Variants in ZNF723 observed in about 807,000 individuals in gnomAD.
The protein encoded by ZNF723 is zinc finger protein 723, pseudogene.
A neutral mutation model predicts 9.4 loss-of-function variants in ZNF723; 5 were observed. The observed-to-expected ratio is 0.53, with a 90% confidence interval of 0.28 to 1.12. ZNF723 has a LOEUF of 1.12. Ranked by LOEUF, ZNF723 falls within the 50% of genes most tolerant of loss-of-function variation. The probability of loss-of-function intolerance (pLI) is 0.10; values close to 1 mark genes in which losing one functional copy is unlikely to be tolerated. For missense variants in ZNF723, 450 were observed against 501.5 expected (o/e 0.90, Z 0.98); for synonymous variants, 158 against 168.8 (o/e 0.94, Z 0.49).
intron 1 of ZNF723, among the ~76,000 whole-genome samples, chr19:22,842,640 C>T (rs1315997127): frequency 6.6e-6 from 1 of 152,092 alleles, no homozygotes; most frequent in African/African-American, 2.4e-5. Context: ...ATTCATGTTG[C>T]CTTAGCTTTT....
At chr19:22,833,438 A>C (rs1967123767) in intron 1 of ZNF723, among the ~76,000 whole-genome samples, 1 of 151,952 alleles carries the variant, frequency 6.6e-6, no homozygotes, top group Non-Finnish European at 1.5e-5. Context: ...GGCGTGAGCC[A>C]CCGCTTCTGG....
chr19:22,831,450 A>G (rs1297430207), upstream of ZNF723, among the ~76,000 whole-genome samples: 2 of 151,976 alleles, frequency 1.3e-5, no homozygotes, highest in African/African-American at 4.8e-5. Flanking sequence ...CAAGCTACCC[A>G]GGAGGCTGAG....
chr19:22,830,960 G>A (rs1352017925), upstream of ZNF723, among the ~76,000 whole-genome samples: 2 of 151,760 alleles, frequency 1.3e-5, no homozygotes, highest in East Asian at 2.0e-4. Flanking sequence ...ACAGGGTTTC[G>A]CCATGTTGGC....
chr19:22,835,002 T>C (rs1490965412), intron 1 of ZNF723, among the ~76,000 whole-genome samples: 1 of 151,994 alleles, frequency 6.6e-6, no homozygotes, highest in South Asian at 2.1e-4. Context: ...ATCTAAGTGA[T>C]TGGATGACCT....
chr19:22,850,522 G>A (rs1206253598), intron 3 of ZNF723, among the ~76,000 whole-genome samples: 1 of 150,018 alleles, frequency 6.7e-6, no homozygotes, highest in Non-Finnish European at 1.5e-5. Flanking sequence ...TACTGAGATG[G>A]AGTTTTGCAC....
chr19:22,857,040 T>C (rs1005272778), intron 3 of ZNF723, 78 bp from the exon 4 acceptor site: 1 of 603,650 alleles, frequency 1.7e-6, no homozygotes, highest in African/African-American at 1.9e-5. Flanking sequence ...GTTTGTATAA[T>C]TTTATAGCTT....
In ZNF723 at chr19:22,848,383, C is replaced by G. The variant is rs1967344211; in HGVS notation, c.126C>G (p.Phe42Leu). 2 of 1,446,420 alleles carry G rather than the reference C, an allele frequency of 1.4e-6. No individual in the cohort carries two copies. Among genetic ancestry groups the G allele is most frequent in the South Asian group, 2.4e-5 (2 of 84,964 alleles). The allele number at this position is 1,446,420 out of a possible 1,614,324, so 89.6% of individuals were successfully genotyped here. ...TAGAGAACTACAGAAACCTGGTCTT[C>G]CTGGGTGAGAATAACTTCAATACAC... Reference protein sequence around the residue: ...VMLENYRNLVFLGVGVSKPDL... With the variant: ...VMLENYRNLVLLGVGVSKPDL... The change falls in exon 2 of 4, where the codon TTC (phenylalanine) becomes TTG (leucine). Residue 42 changes from phenylalanine (F) to leucine (L), a missense_variant. Physicochemically the swap from Phe to Leu is conservative, Grantham distance 22 (BLOSUM62 0). Coordinates refer to ENST00000600766, the MANE Select transcript of ZNF723 (RefSeq NM_001349726.2).
Position 22,848,403 on chromosome 19 carries a change from A to G in ZNF723, c.130+16A>G. 7.4e-7 allele frequency: 1 copy of G among 1,359,866 alleles called. No homozygotes were observed. The highest frequency in any genetic ancestry group is 1.0e-6 in the Non-Finnish European group (1 of 965,422). 84.2% of individuals were successfully genotyped at this position (1,359,866 alleles called of 1,614,324 possible). ...GTCTTCCTGGGTGAGAATAACTTCAATACACAATCCTCAGATACTGTAAAT... is the reference window on the plus strand; with the variant it reads ...GTCTTCCTGGGTGAGAATAACTTCAGTACACAATCCTCAGATACTGTAAAT... On this transcript the variant is annotated intron_variant, in intron 2 of 3. Coordinates refer to ENST00000600766, the MANE Select transcript of ZNF723 (RefSeq NM_001349726.2).
At chr19:22,817,321 A>G in the ZNF723 span, among the ~76,000 whole-genome samples, 1 of 152,196 alleles carries the variant, frequency 6.6e-6, no homozygotes, top group Non-Finnish European at 1.5e-5. Context: ...GTATTGTGAC[A>G]TATCACTGCA....
At chr19:22,816,735 C>T in the ZNF723 span, among the ~76,000 whole-genome samples, 4 of 152,268 alleles carry the variant, frequency 2.6e-5, no homozygotes. Context: ...AGAATTTTGA[C>T]ATATCACTGC....
intron 3 of ZNF723, among the ~76,000 whole-genome samples, chr19:22,854,206 ATTG>A (rs1304820216): frequency 6.6e-6 from 1 of 152,056 alleles, no homozygotes; most frequent in African/African-American, 2.4e-5. Context: ...TGACTCTATT[ATTG>A]TTAATTTCCT....
chr19:22,854,466 A>C (rs1440922254), intron 3 of ZNF723, among the ~76,000 whole-genome samples: 2 of 152,064 alleles, frequency 1.3e-5, no homozygotes, highest in Non-Finnish European at 2.9e-5. Flanking sequence ...TTTATTGAAA[A>C]TATGTCTCTT....
the ZNF723 span, among the ~76,000 whole-genome samples, chr19:22,815,962 A>G: frequency 3.3e-5 from 5 of 152,218 alleles, no homozygotes; most frequent in Admixed American, 3.3e-4. Flanking sequence ...TGTGACTGTC[A>G]TATGTGAACA....
At chr19:22,820,742 T>C in the ZNF723 span, among the ~76,000 whole-genome samples, 5 of 152,196 alleles carry the variant, frequency 3.3e-5, no homozygotes, top group African/African-American at 1.2e-4. Context: ...TGTCATCATA[T>C]GGTCCAGCAC....
chr19:22,836,034 T>A (rs1026812093), intron 1 of ZNF723, among the ~76,000 whole-genome samples: 1 of 151,008 alleles, frequency 6.6e-6, no homozygotes, highest in Admixed American at 6.6e-5. Context: ...TTTTGCTAGA[T>A]GTTTTAGTTT....
chr19:22,844,484 A>C (rs1967283768), intron 1 of ZNF723, among the ~76,000 whole-genome samples: 1 of 152,178 alleles, frequency 6.6e-6, no homozygotes, highest in African/African-American at 2.4e-5. Context: ...GCAGTGTGTT[A>C]TGAGGATTAA....
At chr19:22,816,395 G>T in the ZNF723 span, among the ~76,000 whole-genome samples, 1 of 152,190 alleles carries the variant, frequency 6.6e-6, no homozygotes, top group African/African-American at 2.4e-5. Flanking sequence ...ATATCTATGA[G>T]GCATTGACTT....
intron 3 of ZNF723, among the ~76,000 whole-genome samples, chr19:22,853,501 G>GT (rs1343933643): frequency 6.6e-6 from 1 of 151,766 alleles, no homozygotes; most frequent in Non-Finnish European, 1.5e-5. Context: ...AATTTTTCAG[G>GT]TTTTTTTCTA....
At chr19:22,827,243 T>C in the ZNF723 span, among the ~76,000 whole-genome samples, 1 of 151,632 alleles carries the variant, frequency 6.6e-6, no homozygotes, top group Non-Finnish European at 1.5e-5. Flanking sequence ...ACTTGTGTAA[T>C]TGCTAATACT....
Sources: gnomAD v4.1 joint callset for allele counts (sites outside exome capture counted in the v4.1 genomes callset) on GRCh38, gnomAD v4.1.1 for gene constraint, MANE v1.5 for transcripts, NCBI Gene and HGNC (gene_info 2026-07-23, HGNC 2026-07-21) for gene names.